The following COL11A1 variants were observed in gnomAD, a reference collection of about 807,000 sequenced individuals.
The protein encoded by COL11A1 is collagen type XI alpha 1 chain.
In COL11A1, 74 loss-of-function variants were observed where a neutral mutation model predicts 265.2. The observed-to-expected ratio is 0.28, with a 90% CI of 0.23 to 0.34. The LOEUF is 0.34. Ranked by LOEUF, COL11A1 falls within the 10% of genes least tolerant of loss-of-function variation. COL11A1 has a pLI of 1.00. For missense variants in COL11A1, 2,165 were observed against 2,263.6 expected (o/e 0.96, Z 0.88); for synonymous variants, 816 against 727.6 (o/e 1.12, Z -1.96).
At chr1:102,891,349 A>G (rs1448923094) in intron 57 of COL11A1, among the ~76,000 whole-genome samples, 1 of 152,054 alleles carries the variant, frequency 6.6e-6, no homozygotes, top group Non-Finnish European at 1.5e-5. Context: ...TCTAAATTGC[A>G]CCTCATATCT....
chr1:102,899,024 G>A (rs1473411702), intron 54 of COL11A1, 30 bp from the exon 55 acceptor site: 2 of 1,326,058 alleles, frequency 1.5e-6, no homozygotes, highest in Admixed American at 2.0e-5. Context: ...TGTAAAATAT[G>A]TATCACATAT....
intron 57 of COL11A1, among the ~76,000 whole-genome samples, chr1:102,893,738 A>G (rs1364524106): frequency 1.3e-5 from 2 of 152,176 alleles, no homozygotes; most frequent in African/African-American, 4.8e-5. Flanking sequence ...AAATTTAAAG[A>G]AACTGCAGAT....
chr1:103,086,153 C>G (rs1479260322), intron 1 of COL11A1, among the ~76,000 whole-genome samples: 1 of 152,146 alleles, frequency 6.6e-6, no homozygotes, highest in African/African-American at 2.4e-5. Flanking sequence ...ATTACTTGTT[C>G]TAGTATATAA....
chr1:102,896,107 T>C (rs1411848710), intron 57 of COL11A1, among the ~76,000 whole-genome samples: 1 of 151,772 alleles, frequency 6.6e-6, no homozygotes, highest in Admixed American at 6.6e-5. Context: ...AAGAACCCCA[T>C]GGGGTAGAAG....
chr1:103,104,899 G>C (rs911780188), intron 1 of COL11A1, among the ~76,000 whole-genome samples: 1 of 152,088 alleles, frequency 6.6e-6, no homozygotes, highest in African/African-American at 2.4e-5. Flanking sequence ...ACATACTCTG[G>C]AAGCCAGGAC....
chr1:103,021,082 G>T (rs1470487925), intron 9 of COL11A1, among the ~76,000 whole-genome samples: 2 of 149,046 alleles, frequency 1.3e-5, no homozygotes, highest in Non-Finnish European at 3.0e-5. Context: ...TCTACCTTCA[G>T]TTCTAATACA....
At chr1:103,075,015 T>C (rs1671866449) in intron 3 of COL11A1, among the ~76,000 whole-genome samples, 1 of 152,152 alleles carries the variant, frequency 6.6e-6, no homozygotes, top group African/African-American at 2.4e-5. Context: ...ATTAGCTGTC[T>C]GTGCTGATAA....
intron 4 of COL11A1, among the ~76,000 whole-genome samples, chr1:103,050,449 C>T (rs561346888): frequency 1.5e-4 from 23 of 152,276 alleles, no homozygotes; most frequent in African/African-American, 5.5e-4. Context: ...TTTTCAGTTC[C>T]ATCAGGTCCT....
At chr1:103,015,812 T>A in intron 11 of COL11A1, 70 bp from the exon 12 acceptor site, 2 of 1,161,912 alleles carry the variant, frequency 1.7e-6, no homozygotes, top group Non-Finnish European at 2.5e-6. Context: ...TAGAATAACT[T>A]ATAACGTAAG....
intron 1 of COL11A1, among the ~76,000 whole-genome samples, chr1:103,101,208 G>T (rs1317242982): frequency 1.3e-5 from 2 of 151,828 alleles, no homozygotes; most frequent in Non-Finnish European, 2.9e-5. Context: ...GGCTGGTCTT[G>T]AGCCTGGACA....
At chr1:102,964,382 T>C (rs4908281) in intron 38 of COL11A1, among the ~76,000 whole-genome samples, 98,114 of 152,032 alleles carry the variant, frequency 0.65, 32,859 homozygotes, top group East Asian at 0.91. Flanking sequence ...ATATAATGTT[T>C]TAACTAAAAC....
chr1:102,946,940 C>A lies in COL11A1; in HGVS notation c.3185G>T (p.Arg1062Leu). ...PPGPVGSPGERGSAGTAGPIG... is the reference protein window; with the variant it reads ...PPGPVGSPGELGSAGTAGPIG... ...TGGGCCAGCTGTACCTGCTGACCCA[C>A]GTTCTCCTGGTGAGCCCTAGTATAC... The change falls in exon 42 of 67, where the codon CGT becomes CTT. Residue 1062 changes from arginine (R) to leucine (L), a missense_variant. Coordinates refer to ENST00000370096, the MANE Select transcript of COL11A1 (RefSeq NM_001854.4). 1 of 1,612,518 alleles carries A rather than the reference C, an allele frequency of 6.2e-7. No individual in the cohort carries two copies. The highest frequency in any genetic ancestry group is 8.5e-7 in the Non-Finnish European group (1 of 1,179,320).
At chr1:103,001,039 T>A (rs1236617719) in intron 24 of COL11A1, 1 of 394,946 alleles carries the variant, frequency 2.5e-6, no homozygotes, top group Non-Finnish European at 4.5e-6. Flanking sequence ...AATTTATTCA[T>A]AAGTTTCATT....
chr1:103,091,422 C>A (rs765621078), intron 1 of COL11A1, among the ~76,000 whole-genome samples: 2 of 152,052 alleles, frequency 1.3e-5, no homozygotes, highest in Non-Finnish European at 2.9e-5. Context: ...TTCCTACCCT[C>A]AATAGAACCC....
At chr1:103,074,924 A>G in intron 3 of COL11A1, 144 bp from the exon 4 acceptor site, 3 of 948,978 alleles carry the variant, frequency 3.2e-6, no homozygotes, top group Non-Finnish European at 4.9e-6. Context: ...TTAAGCAGCC[A>G]GTTAACAGAT....
Position 103,108,293 on chromosome 1 carries a change from G to C in COL11A1, c.-115C>G. 1.3e-6 allele frequency: 1 copy of C among 794,246 alleles called. No homozygotes were observed. The highest frequency in any genetic ancestry group is 2.0e-5 in the Admixed American group (1 of 50,606). 49.2% of individuals were successfully genotyped at this position (794,246 alleles called of 1,614,324 possible). A position where few individuals can be genotyped will look rare whatever the true frequency, so the allele number is the denominator to read the frequency against. On this transcript the variant is annotated 5_prime_UTR_variant, in exon 1 of 67. Coordinates refer to ENST00000370096, the MANE Select transcript of COL11A1 (RefSeq NM_001854.4). ...GTTTGCTACACAGCCATTGGGGAGG[G>C]AGAGGGGGAAAAAGTCAAAGGGCTT... is the stretch of plus-strand genomic sequence containing the variant.
chr1:102,986,117 A>G (rs1557905836), intron 30 of COL11A1, among the ~76,000 whole-genome samples: 1 of 152,070 alleles, frequency 6.6e-6, no homozygotes, highest in Non-Finnish European at 1.5e-5. Flanking sequence ...TTTCTTAAAT[A>G]GCATTATTGC....
intron 4 of COL11A1, among the ~76,000 whole-genome samples, chr1:103,045,212 A>G (rs536349073): frequency 1.3e-3 from 193 of 152,260 alleles, no homozygotes; most frequent in South Asian, 2.5e-3. Flanking sequence ...TGGGTCACAT[A>G]AGGTCCTGCA....
In COL11A1 at chr1:103,006,113, T is replaced by C. The variant is rs1384732370; in HGVS notation, c.1746A>G (p.Pro582=). 6.2e-7 allele frequency: 1 copy of C among 1,613,772 alleles called. No homozygotes were observed. Among genetic ancestry groups the C allele is most frequent in the South Asian group, 1.1e-5 (1 of 91,060 alleles). The part of the protein sequence containing the change: ...PTGKPGKRGR[P]GADGGRGMPG... ...GCATTCCTCTTCCTCCATCTGCACC[T>C]GGACGACCCTAATAATGCCAACAGC... is the stretch of plus-strand genomic sequence containing the variant. Residue 582 remains proline (P), a synonymous_variant, in exon 17 of 67, where the codon CCA becomes CCG. Coordinates refer to ENST00000370096, the MANE Select transcript of COL11A1 (RefSeq NM_001854.4).
Sources: gnomAD v4.1 joint callset for allele counts (sites outside exome capture counted in the v4.1 genomes callset) on GRCh38, gnomAD v4.1.1 for gene constraint, MANE v1.5 for transcripts, NCBI Gene and HGNC (gene_info 2026-07-23, HGNC 2026-07-21) for gene names.